The following BAIAP2L2 variants were observed in gnomAD, a reference collection of about 807,000 sequenced individuals.
BAIAP2L2 encodes the protein BAR/IMD domain-containing adapter protein 2-like 2.
Under a neutral mutation model 60.4 loss-of-function variants are expected in BAIAP2L2, and 65 were observed. That is an observed-to-expected ratio of 1.08 (90% CI 0.88 to 1.32). The LOEUF (loss-of-function observed/expected upper bound fraction) is 1.32, where lower values mean the gene tolerates loss of function less well. Among genes scored for constraint, BAIAP2L2 ranks in the 40% most tolerant of loss-of-function variants. The probability of loss-of-function intolerance (pLI) is 0.00; values close to 1 mark genes in which losing one functional copy is unlikely to be tolerated. For synonymous variants in BAIAP2L2, 344 were observed against 301.7 expected, an observed-to-expected ratio of 1.14 and a Z score of -1.45; for missense variants, 836 against 741.2, an observed-to-expected ratio of 1.13 and a Z score of -1.48.
chr22:38,089,126 G>T lies in BAIAP2L2; in HGVS notation c.871C>A (p.Arg291Ser). ...ARPASQLEPD[R>S]RSLPRTPSAS... The stretch of plus-strand genomic sequence containing the variant: ...GACGGCGTGCGGGGCAGGGAGCGAC[G>T]GTCTGGCTCTAGCTGGGACGCGGGC... The change falls in exon 9 of 14, where the codon CGT becomes AGT. Residue 291 changes from arginine to serine, a missense_variant. By Grantham distance (110) the Arg-to-Ser change is moderately radical (BLOSUM62 -1). Transcript: ENST00000381669. 7.3e-7 allele frequency: 1 copy of T among 1,367,180 alleles called. No homozygotes were observed. Among genetic ancestry groups the T allele is most frequent in the South Asian group, 1.7e-5 (1 of 57,480 alleles). 84.7% of individuals were successfully genotyped at this position (1,367,180 alleles called of 1,614,324 possible).
Position 38,085,306 on chromosome 22 carries a change from G to A in BAIAP2L2, c.1584C>T (p.Ile528=), listed in dbSNP as rs1400931428. 2 of 1,613,942 alleles carry A rather than the reference G, an allele frequency of 1.2e-6. No individual in the cohort carries two copies. The highest frequency in any genetic ancestry group is 4.5e-5 in the East Asian group (2 of 44,866). The part of the protein sequence containing the change: ...TITNDRSAPL[I]R ...TACGACCTCGGACCCCGCCTCAGCG[G>A]ATGAGGGGTGCTGAGCGGTCATTGG... Residue 528 remains isoleucine (I), a synonymous_variant, in exon 14 of 14, where the codon ATC becomes ATT. Coordinates refer to ENST00000381669, the MANE Select transcript of BAIAP2L2 (RefSeq NM_025045.6).
chr22:38,085,495 C>T, intron 13 of BAIAP2L2, 120 bp from the exon 14 acceptor site: 1 of 1,293,470 alleles, frequency 7.7e-7, no homozygotes, highest in South Asian at 1.3e-5. Context: ...TGGTCTCCAT[C>T]CACTCCTTGC....
intron 4 of BAIAP2L2, among the ~76,000 whole-genome samples, chr22:38,099,008 C>T (rs2086508780): frequency 6.6e-6 from 1 of 152,258 alleles, no homozygotes; most frequent in African/African-American, 2.4e-5. Context: ...GCACCATGGG[C>T]AGGGCACAGC....
At chr22:38,087,789 C>T (rs575613821) in intron 10 of BAIAP2L2, among the ~76,000 whole-genome samples, 1 of 140,758 alleles carries the variant, frequency 7.1e-6, no homozygotes, top group Non-Finnish European at 1.6e-5. Context: ...AGCCACGAAT[C>T]CATCCAGCAC....
chr22:38,096,106 GA>G (rs1174279065), intron 7 of BAIAP2L2, among the ~76,000 whole-genome samples: 1 of 152,026 alleles, frequency 6.6e-6, no homozygotes, highest in African/African-American at 2.4e-5. Context: ...CATACAAAGA[GA>G]TAAGCAAAGA....
intron 7 of BAIAP2L2, chr22:38,090,774 T>TTGGTCTGTCCG (rs2145963384): frequency 6.6e-6 from 1 of 152,244 alleles, no homozygotes; most frequent in Admixed American, 6.6e-5. Context: ...GGGGTCTGTG[T>TTGGTCTGTCCG]TGGTCTGTCC....
chr22:38,105,634 C>T (rs1028365934), intron 4 of BAIAP2L2, among the ~76,000 whole-genome samples: 1 of 152,142 alleles, frequency 6.6e-6, no homozygotes, highest in Non-Finnish European at 1.5e-5. Flanking sequence ...TGAGCCACTG[C>T]GCCGGGACCT....
chr22:38,109,116 C>T lies in BAIAP2L2; in HGVS notation c.127+17G>A, dbSNP rs1244509582. On this transcript the variant is annotated intron_variant, in intron 2 of 13. Transcript: ENST00000381669. ...GAGGCCCAGGGCTGGGGCTCGGTGG[C>T]CCGGGCAGGCACTCACCGTGGAAGG... The T allele has an allele frequency of 3.1e-6, 5 of 1,604,702 alleles. No individual in the cohort carries two copies. The highest frequency in any genetic ancestry group is 2.2e-5 in the South Asian group (2 of 90,862).
Position 38,085,204 on chromosome 22 carries a change from T to G in BAIAP2L2, c.*96A>C. 1.4e-6 allele frequency: 2 copies of G among 1,380,064 alleles called. No homozygotes were observed. The highest frequency in any genetic ancestry group is 2.0e-6 in the Non-Finnish European group (2 of 992,328). The allele number at this position is 1,380,064 out of a possible 1,614,324, so 85.5% of individuals were successfully genotyped here. On this transcript the variant is annotated 3_prime_UTR_variant, in exon 14 of 14. Transcript: ENST00000381669. ...GCCACCCCCCGTCTCAGGGACCCGC[T>G]TCTTGGATCTGCTGCTGTTGCTGCT...
Position 38,088,766 on chromosome 22 carries a change from T to C in BAIAP2L2, c.1100A>G (p.Lys367Arg). Residue 367 changes from lysine to arginine, a missense_variant, in exon 10 of 14, where the codon AAG becomes AGG. Lys to Arg is a conservative substitution (Grantham distance 26). Coordinates refer to ENST00000381669, the MANE Select transcript of BAIAP2L2 (RefSeq NM_025045.6). ...CACTCACGCGGACGAGCCCTCCAGC[T>C]TGCCGTAGAGCCAGCCGTTCTGGGC... ...PEAQNGWLYG[K>R]LEGSSASGWF... The C allele has an allele frequency of 6.3e-7, 1 of 1,593,136 alleles. No homozygotes were observed. The highest frequency in any genetic ancestry group is 8.5e-7 in the Non-Finnish European group (1 of 1,175,484).
At chr22:38,097,700 G>C (rs2086470102) in intron 6 of BAIAP2L2, among the ~76,000 whole-genome samples, 1 of 152,116 alleles carries the variant, frequency 6.6e-6, no homozygotes, top group Admixed American at 6.5e-5. Context: ...CCTCTGCCAG[G>C]CAGGAGAGAG....
intron 12 of BAIAP2L2, among the ~76,000 whole-genome samples, 173 bp from the exon 13 acceptor site, chr22:38,085,905 T>C (rs543957704): frequency 3.6e-4 from 55 of 152,282 alleles, no homozygotes; most frequent in African/African-American, 1.3e-3. Context: ...ATTCTGTGGG[T>C]TGCAGAAGTG....
At chr22:38,109,319 G>A (rs189799467) in intron 1 of BAIAP2L2, 111 bp from the exon 2 acceptor site, 9 of 842,338 alleles carry the variant, frequency 1.1e-5, no homozygotes, top group African/African-American at 3.4e-5. Flanking sequence ...CCAGCCCAGT[G>A]AGAAGCCCCA....
intron 4 of BAIAP2L2, among the ~76,000 whole-genome samples, chr22:38,099,757 C>T (rs907827261): frequency 2.0e-5 from 3 of 152,164 alleles, no homozygotes; most frequent in African/African-American, 4.8e-5. Flanking sequence ...CCCGCGGACA[C>T]GTCCTCCTCT....
At position 38,087,210 on chromosome 22, in the gene BAIAP2L2, AT is replaced by A; in HGVS notation, c.1172del (p.Asn391IlefsTer3). 6.3e-7 allele frequency: 1 copy of A among 1,599,124 alleles called. No homozygotes were observed. The highest frequency in any genetic ancestry group is 8.5e-7 in the Non-Finnish European group (1 of 1,173,796). ...TCATGGGGGTCACGGGGGTCATGGG[AT>A]TCACGGGCCCCTCCTCCAGAGCCTT... Reference protein sequence around the residue: ...YVKALEEGPVNPMTPVTPMTS... With the variant: ...YVKALEEGPVXPMTPVTPMTS... On this transcript the variant is annotated frameshift_variant, in exon 11 of 14. Coordinates refer to ENST00000381669, the MANE Select transcript of BAIAP2L2 (RefSeq NM_025045.6). LOFTEE classifies it high-confidence loss of function.
chr22:38,109,047 G>A (rs2086731026), intron 2 of BAIAP2L2, 86 bp downstream of exon 2: 1 of 1,130,978 alleles, frequency 8.8e-7, no homozygotes, highest in African/African-American at 1.6e-5. Flanking sequence ...AACAGGTGTG[G>A]GATGCAGAGA....
At chr22:38,098,602 GC>G in intron 4 of BAIAP2L2, 120 bp from the exon 5 acceptor site, 1 of 677,714 alleles carries the variant, frequency 1.5e-6, no homozygotes, top group Non-Finnish European at 2.5e-6. Flanking sequence ...CCAGGCACCT[GC>G]CCACCTGTCA....
chr22:38,104,038 G>A (rs545872231), intron 4 of BAIAP2L2, among the ~76,000 whole-genome samples: 1 of 152,254 alleles, frequency 6.6e-6, no homozygotes, highest in African/African-American at 2.4e-5. Context: ...TTAATTGGTG[G>A]CTTCACCTTC....
chr22:38,110,149 G>GA (rs1491398567), intron 1 of BAIAP2L2, among the ~76,000 whole-genome samples: 35 of 100,650 alleles, frequency 3.5e-4, no homozygotes, highest in African/African-American at 8.1e-4. Context: ...GAGAGAGAGA[G>GA]GGAGAGACAG....
Sources: gnomAD v4.1 joint callset for allele counts (sites outside exome capture counted in the v4.1 genomes callset) on GRCh38, gnomAD v4.1.1 for gene constraint, MANE v1.5 for transcripts, NCBI Gene and HGNC (gene_info 2026-07-23, HGNC 2026-07-21) for gene names.